Variants in PARVA observed in about 807,000 individuals in gnomAD.
PARVA encodes the protein alpha-parvin.
In PARVA, 25 loss-of-function variants were observed where a neutral mutation model predicts 52.6. The observed-to-expected ratio is 0.48, with a 90% CI of 0.35 to 0.66. The LOEUF is 0.66. Ranked by LOEUF, PARVA falls within the 30% of genes least tolerant of loss-of-function variation. The pLI is 0.01. For missense variants in PARVA, 373 were observed against 450.9 expected, an observed-to-expected ratio of 0.83 and a Z score of 1.56; for synonymous variants, 185 against 179.1, an observed-to-expected ratio of 1.03 and a Z score of -0.26.
At chr11:12,504,286 G>A (rs1423108408) in intron 5 of PARVA, 28 bp from the exon 6 acceptor site, 2 of 1,316,576 alleles carry the variant, frequency 1.5e-6, no homozygotes, top group Non-Finnish European at 2.2e-6. Flanking sequence ...AGAAGATGCT[G>A]TAATTTTTCA....
intron 1 of PARVA, among the ~76,000 whole-genome samples, chr11:12,384,604 G>C (rs148428187): frequency 1.3e-5 from 2 of 152,324 alleles, no homozygotes; most frequent in African/African-American, 4.8e-5. Context: ...GCTAGAGAAG[G>C]CCTCACTAAG....
At chr11:12,389,732 C>G (rs1939630394) in intron 1 of PARVA, among the ~76,000 whole-genome samples, 1 of 152,134 alleles carries the variant, frequency 6.6e-6, no homozygotes, top group African/African-American at 2.4e-5. Context: ...CTCAGGGGCT[C>G]AGTTTCCTGT....
intron 12 of PARVA, among the ~76,000 whole-genome samples, chr11:12,525,803 G>A (rs1485856241): frequency 6.6e-6 from 1 of 152,138 alleles, no homozygotes; most frequent in Non-Finnish European, 1.5e-5. Context: ...CCTCTCCATG[G>A]GTCTCTGGAA....
intron 1 of PARVA, among the ~76,000 whole-genome samples, chr11:12,426,157 A>G (rs796386660): frequency 2.6e-5 from 4 of 152,364 alleles, no homozygotes; most frequent in African/African-American, 9.6e-5. Context: ...GTTAAGTACT[A>G]TAAAGGAATG....
At chr11:12,507,985 TGGATGGACGGAC>T in intron 6 of PARVA, among the ~76,000 whole-genome samples, 1 of 150,862 alleles carries the variant, frequency 6.6e-6, no homozygotes, top group Non-Finnish European at 1.5e-5. Flanking sequence ...GATGGATGGA[TGGATGGACGGAC>T]GGACGGACGA....
intron 1 of PARVA, among the ~76,000 whole-genome samples, chr11:12,406,718 T>G (rs1298330627): frequency 2.1e-5 from 3 of 140,742 alleles, no homozygotes; most frequent in African/African-American, 8.0e-5. Context: ...TTGCCCAGGC[T>G]GGAATGCAGT....
intron 6 of PARVA, among the ~76,000 whole-genome samples, chr11:12,507,891 G>T (rs1941451887): frequency 6.6e-6 from 1 of 151,926 alleles, no homozygotes; most frequent in Non-Finnish European, 1.5e-5. Context: ...TCTAACTCCA[G>T]CACAGGGCCT....
At chr11:12,431,881 T>C (rs942861157) in intron 1 of PARVA, among the ~76,000 whole-genome samples, 1 of 152,254 alleles carries the variant, frequency 6.6e-6, no homozygotes, top group Non-Finnish European at 1.5e-5. Flanking sequence ...AAGCAACCAT[T>C]TGAATCTAGC....
intron 12 of PARVA, among the ~76,000 whole-genome samples, chr11:12,520,660 G>A (rs557388734): frequency 4.6e-5 from 7 of 152,244 alleles, no homozygotes; most frequent in East Asian, 1.9e-4. Flanking sequence ...TGGAGCAGTC[G>A]AAATAATGGC....
At chr11:12,377,568 C>T (rs1939411225), upstream of PARVA, 4 of 1,494,048 alleles carry the variant, frequency 2.7e-6, no homozygotes, top group East Asian at 2.9e-5. Flanking sequence ...AAGCCGCAGC[C>T]TCAGTCCCGC....
chr11:12,525,398 G>T (rs1010249292), intron 12 of PARVA, among the ~76,000 whole-genome samples: 2 of 152,070 alleles, frequency 1.3e-5, no homozygotes, highest in East Asian at 1.9e-4. Flanking sequence ...TAGGTAGAAT[G>T]GTTTGGAAAG....
rs779430710 is a variant in PARVA, at chr11:12,534,170, AAAAAC to A, written c.*6265_*6269del. 2.0e-3 allele frequency among the ~76,000 whole-genome samples: 312 copies of A among 152,310 alleles called. 1 individual carries two copies. The highest frequency in any genetic ancestry group is 7.4e-3 in the Admixed American group (113 of 15,298). On this transcript the variant is annotated 3_prime_UTR_variant, in exon 13 of 13. Coordinates refer to ENST00000334956, the MANE Select transcript of PARVA (RefSeq NM_018222.5). ...GCAACAGAGCAAGACTGCGTCTCAA[AAAAAC>A]AAAACAAAACAAAACAAAAATCCAT...
At chr11:12,434,765 C>T (rs1940364620) in intron 1 of PARVA, among the ~76,000 whole-genome samples, 1 of 152,088 alleles carries the variant, frequency 6.6e-6, no homozygotes, top group Non-Finnish European at 1.5e-5. Context: ...CCTCAGTGGC[C>T]CCCACTGCCA....
chr11:12,521,621 C>T (rs1051934279), intron 12 of PARVA, among the ~76,000 whole-genome samples: 2 of 152,150 alleles, frequency 1.3e-5, no homozygotes, highest in African/African-American at 4.8e-5. Flanking sequence ...TCTTACATGG[C>T]AAAAGGGACT....
In PARVA at chr11:12,508,639, C is replaced by G. The variant is rs1262204452; in HGVS notation, c.713C>G (p.Thr238Arg). The G allele has an allele frequency of 1.2e-6, 2 of 1,601,920 alleles. No individual in the cohort carries two copies. The highest frequency in any genetic ancestry group is 1.7e-6 in the Non-Finnish European group (2 of 1,171,734). ...RQIQEEITGN[T>R]EALSGRHERD... is the part of the protein sequence containing the mutation. Reference sequence around the variant, plus strand: ...ATCCAAGAGGAAATAACTGGTAACACAGAGTATGTCAACACCATTGTTGCC... The same window carrying G: ...ATCCAAGAGGAAATAACTGGTAACAGAGAGTATGTCAACACCATTGTTGCC... The change falls in exon 7 of 13, where the codon ACA (threonine) becomes AGA (arginine). Residue 238 changes from threonine to arginine, a missense_variant. Physicochemically the swap from Thr to Arg is moderately conservative, Grantham distance 71 (BLOSUM62 -1). Coordinates refer to ENST00000334956, the MANE Select transcript of PARVA (RefSeq NM_018222.5).
At chr11:12,426,496 T>C (rs1455023755) in intron 1 of PARVA, among the ~76,000 whole-genome samples, 1 of 152,118 alleles carries the variant, frequency 6.6e-6, no homozygotes. Flanking sequence ...CAGTTTGATA[T>C]ATATTTTCAG....
At chr11:12,517,303 A>ACCCCCCCCCCCCC (rs1564869136) in intron 10 of PARVA, among the ~76,000 whole-genome samples, 2 of 112,552 alleles carry the variant, frequency 1.8e-5, no homozygotes, top group Non-Finnish European at 3.6e-5. Context: ...AGCCACACTG[A>ACCCCCCCCCCCCC]CCACCCCCCA....
intron 10 of PARVA, among the ~76,000 whole-genome samples, chr11:12,515,895 G>C (rs1941561577): frequency 6.6e-6 from 1 of 152,220 alleles, no homozygotes; most frequent in Non-Finnish European, 1.5e-5. Flanking sequence ...AGAGTGCAGT[G>C]GCACGATCAC....
chr11:12,484,325 C>T (rs1169064216), intron 4 of PARVA, among the ~76,000 whole-genome samples: 1 of 152,130 alleles, frequency 6.6e-6, no homozygotes, highest in Admixed American at 6.6e-5. Flanking sequence ...TATGTTTGAA[C>T]ATGTACATGT....
Sources: allele counts gnomAD v4.1 joint callset (sites outside exome capture counted in the v4.1 genomes callset), GRCh38; gene constraint gnomAD v4.1.1; transcripts MANE v1.5; gene names NCBI Gene and HGNC (gene_info 2026-07-23, HGNC 2026-07-21).